The following GRM7 variants were observed in gnomAD, a reference collection of about 807,000 sequenced individuals.
The protein encoded by GRM7 is glutamate metabotropic receptor 7.
A neutral mutation model predicts 84.5 loss-of-function variants in GRM7; 35 were observed. That is an observed-to-expected ratio of 0.41 (90% confidence interval 0.32 to 0.55). The LOEUF (loss-of-function observed/expected upper bound fraction) is 0.55. GRM7 is among the 20% of genes least tolerant of loss of function. The pLI, the probability that GRM7 is intolerant of heterozygous loss-of-function variation, is 0.19. For missense variants in GRM7, 1,003 were observed against 1,194.6 expected, an observed-to-expected ratio of 0.84 and a Z score of 2.36; for synonymous variants, 487 against 455.1, an observed-to-expected ratio of 1.07 and a Z score of -0.89.
At chr3:7,398,990 C>T (rs528751790) in intron 4 of GRM7, among the ~76,000 whole-genome samples, 17 of 152,094 alleles carry the variant, frequency 1.1e-4, no homozygotes, top group Non-Finnish European at 1.5e-4. Context: ...CTTCCCTTCA[C>T]ACACCATTCT....
intron 2 of GRM7, among the ~76,000 whole-genome samples, chr3:7,230,875 TA>T (rs1697171888): frequency 6.6e-6 from 1 of 152,178 alleles, no homozygotes; most frequent in East Asian, 1.9e-4. Context: ...CCTTTTAGTA[TA>T]TTCATGAATC....
At chr3:7,730,504 AT>A (rs1702289680) in intron 9 of GRM7, among the ~76,000 whole-genome samples, 1 of 152,144 alleles carries the variant, frequency 6.6e-6, no homozygotes, top group Admixed American at 6.5e-5. Flanking sequence ...GATATGGACT[AT>A]TTTTCCTTGC....
At chr3:7,098,233 T>C (rs1698925192) in intron 1 of GRM7, among the ~76,000 whole-genome samples, 1 of 152,078 alleles carries the variant, frequency 6.6e-6, no homozygotes, top group African/African-American at 2.4e-5. Flanking sequence ...TTTGAATAAC[T>C]TGATAAATGA....
intron 8 of GRM7, among the ~76,000 whole-genome samples, chr3:7,638,457 C>T (rs1323259845): frequency 6.6e-6 from 1 of 152,158 alleles, no homozygotes; most frequent in Non-Finnish European, 1.5e-5. Context: ...GCTCTAGATC[C>T]AGTTTGATGA....
intron 7 of GRM7, among the ~76,000 whole-genome samples, chr3:7,477,830 G>A (rs539109515): frequency 3.3e-5 from 5 of 152,084 alleles, no homozygotes; most frequent in South Asian, 2.1e-4. Flanking sequence ...AATCACACAC[G>A]CATGTATTCA....
intron 9 of GRM7, chr3:7,694,489 G>A (rs1700940619): frequency 2.5e-6 from 1 of 399,076 alleles, no homozygotes; most frequent in Non-Finnish European, 3.4e-6. Context: ...TTTTTGTTTG[G>A]AACAACCTGC....
intron 7 of GRM7, among the ~76,000 whole-genome samples, chr3:7,515,763 T>C (rs1700353977): frequency 6.6e-6 from 1 of 152,138 alleles, no homozygotes; most frequent in Non-Finnish European, 1.5e-5. Context: ...GGCTGGCTTA[T>C]GTCACAGATC....
chr3:7,429,585 C>A (rs1206280635), intron 5 of GRM7, among the ~76,000 whole-genome samples: 1 of 152,056 alleles, frequency 6.6e-6, no homozygotes, highest in Admixed American at 6.6e-5. Flanking sequence ...ATCCTCCCTA[C>A]AACTCAGTAG....
At chr3:7,696,259 A>G (rs1701015652) in intron 9 of GRM7, among the ~76,000 whole-genome samples, 3 of 152,208 alleles carry the variant, frequency 2.0e-5, no homozygotes, top group Admixed American at 2.0e-4. Flanking sequence ...TTGTGAGCTA[A>G]CAAAAATAGT....
At chr3:7,446,133 G>T (rs116336108) in intron 5 of GRM7, among the ~76,000 whole-genome samples, 374 of 152,284 alleles carry the variant, frequency 2.5e-3, no homozygotes, top group Non-Finnish European at 4.4e-3. Flanking sequence ...AAATATTTAA[G>T]TTTGAGGCTT....
At chr3:7,254,375 A>C (rs966847495) in intron 2 of GRM7, among the ~76,000 whole-genome samples, 20 of 152,234 alleles carry the variant, frequency 1.3e-4, no homozygotes, top group African/African-American at 3.4e-4. Context: ...AGAGAACTTT[A>C]TCTCTCCTGT....
At chr3:7,473,527 AGAG>A (rs1698797690) in intron 7 of GRM7, among the ~76,000 whole-genome samples, 2 of 149,184 alleles carry the variant, frequency 1.3e-5, no homozygotes, top group South Asian at 2.1e-4. Flanking sequence ...AGAGAGAGAG[AGAG>A]AAACACCTTG....
chr3:7,655,216 T>C (rs1699127434), intron 8 of GRM7, among the ~76,000 whole-genome samples: 1 of 152,204 alleles, frequency 6.6e-6, no homozygotes, highest in African/African-American at 2.4e-5. Context: ...GTCAAAGGCC[T>C]AAATGAGATG....
At chr3:7,422,512 T>A (rs180788603) in intron 5 of GRM7, among the ~76,000 whole-genome samples, 1 of 152,322 alleles carries the variant, frequency 6.6e-6, no homozygotes, top group East Asian at 1.9e-4. Flanking sequence ...TACCAGCATT[T>A]AACTTTTACA....
At chr3:7,125,376 A>G (rs971459447) in intron 1 of GRM7, among the ~76,000 whole-genome samples, 4 of 152,170 alleles carry the variant, frequency 2.6e-5, no homozygotes, top group African/African-American at 7.2e-5. Flanking sequence ...AAAACTTAGA[A>G]CATTTTCCTT....
At chr3:7,429,027 T>C (rs1696725494) in intron 5 of GRM7, among the ~76,000 whole-genome samples, 1 of 152,136 alleles carries the variant, frequency 6.6e-6, no homozygotes, top group Non-Finnish European at 1.5e-5. Context: ...TTTCTAGAAG[T>C]TGTTAAATGG....
intron 1 of GRM7, among the ~76,000 whole-genome samples, chr3:7,046,038 A>G (rs1247622272): frequency 6.6e-6 from 1 of 152,080 alleles, no homozygotes. Context: ...CTTTGCCAGC[A>G]CTTACCTTTT....
At chr3:7,226,425 G>T (rs1292182268) in intron 2 of GRM7, among the ~76,000 whole-genome samples, 1 of 152,076 alleles carries the variant, frequency 6.6e-6, no homozygotes, top group Non-Finnish European at 1.5e-5. Context: ...GGTCCTAGAG[G>T]CCCCGACAGT....
intron 2 of GRM7, among the ~76,000 whole-genome samples, chr3:7,198,485 G>A (rs959465731): frequency 6.6e-6 from 1 of 152,092 alleles, no homozygotes; most frequent in African/African-American, 2.4e-5. Context: ...GATGCTCCTT[G>A]ACTTATAATG....
Sources: allele counts gnomAD v4.1 joint callset (sites outside exome capture counted in the v4.1 genomes callset), GRCh38; gene constraint gnomAD v4.1.1; transcripts MANE v1.5; gene names NCBI Gene and HGNC (gene_info 2026-07-23, HGNC 2026-07-21).